Variants in XYLT1 observed in about 807,000 individuals in gnomAD.
XYLT1 encodes the protein beta-D-xylosyltransferase 1.
A neutral mutation model predicts 91.3 loss-of-function variants in XYLT1; 36 were observed. The ratio of observed to expected loss-of-function variants is 0.39; its 90% CI spans 0.30 to 0.52. The LOEUF is 0.52. Ranked by LOEUF, XYLT1 falls within the 20% of genes least tolerant of loss-of-function variation. The probability of loss-of-function intolerance (pLI) is 0.68; values close to 1 mark genes in which losing one functional copy is unlikely to be tolerated. For missense variants in XYLT1, 1,242 were observed against 1,284.5 expected (o/e 0.97, Z 0.51); for synonymous variants, 588 against 532.0 (o/e 1.11, Z -1.45).
At chr16:17,421,531 G>A (rs1596537376) in intron 1 of XYLT1, among the ~76,000 whole-genome samples, 1 of 152,168 alleles carries the variant, frequency 6.6e-6, no homozygotes, top group East Asian at 1.9e-4. Context: ...CTGGAGGCCA[G>A]CCACCACATC....
At chr16:17,411,512 C>T (rs1056418867) in intron 1 of XYLT1, among the ~76,000 whole-genome samples, 5 of 152,190 alleles carry the variant, frequency 3.3e-5, no homozygotes, top group African/African-American at 7.2e-5. Flanking sequence ...TTTCTCCCAA[C>T]GAATAGGCAG....
intron 11 of XYLT1, among the ~76,000 whole-genome samples, chr16:17,115,312 T>TAAAAAAAAAAAA (rs869095502): frequency 2.0e-5 from 1 of 48,828 alleles, no homozygotes. Context: ...CAAAAATAGT[T>TAAAAAAAAAAAA]AAAAAAAAAA....
intron 3 of XYLT1, among the ~76,000 whole-genome samples, chr16:17,223,684 C>T (rs2033013014): frequency 6.6e-6 from 1 of 152,204 alleles, no homozygotes; most frequent in African/African-American, 2.4e-5. Context: ...GGGAGTCAAT[C>T]AGGAACATCT....
chr16:17,360,081 C>A (rs534047863), intron 1 of XYLT1, among the ~76,000 whole-genome samples: 2 of 152,258 alleles, frequency 1.3e-5, no homozygotes, highest in African/African-American at 4.8e-5. Context: ...CTTACCACCT[C>A]GATTTTGATT....
chr16:17,418,123 G>C (rs909427305), intron 1 of XYLT1, among the ~76,000 whole-genome samples: 1 of 152,248 alleles, frequency 6.6e-6, no homozygotes, highest in African/African-American at 2.4e-5. Flanking sequence ...AAAACCTTGA[G>C]AGATGATACT....
At chr16:17,225,804 G>A (rs1253794125) in intron 3 of XYLT1, among the ~76,000 whole-genome samples, 1 of 152,100 alleles carries the variant, frequency 6.6e-6, no homozygotes, top group Non-Finnish European at 1.5e-5. Flanking sequence ...ATGTAGAATC[G>A]CAGCTAAGTT....
intron 1 of XYLT1, among the ~76,000 whole-genome samples, chr16:17,398,659 G>A (rs2035921199): frequency 6.6e-6 from 1 of 152,062 alleles, no homozygotes; most frequent in African/African-American, 2.4e-5. Context: ...GGTTCCTTTT[G>A]AAGCCTGTGA....
Position 17,125,704 on chromosome 16 carries a change from A to C in XYLT1, c.2223+1962T>G, listed in dbSNP as rs190772716. Reference sequence around the variant, plus strand: ...GAGTCCCCAGCAATCACATGAATGAAGTTTTCTCTAGAATACCTGTCATTA... The same window carrying C: ...GAGTCCCCAGCAATCACATGAATGACGTTTTCTCTAGAATACCTGTCATTA... On this transcript the variant is annotated intron_variant, in intron 10 of 11. Coordinates refer to ENST00000261381, the MANE Select transcript of XYLT1 (RefSeq NM_022166.4). Among the ~76,000 whole-genome samples, 365 of 152,206 alleles carry C rather than the reference A, an allele frequency of 2.4e-3. 8 individuals carry two copies. Among genetic ancestry groups the C allele is most frequent in the Admixed American group, 0.023 (352 of 15,290 alleles).
At chr16:17,414,025 C>T (rs193060911) in intron 1 of XYLT1, among the ~76,000 whole-genome samples, 1 of 152,186 alleles carries the variant, frequency 6.6e-6, no homozygotes, top group Non-Finnish European at 1.5e-5. Context: ...GTTTGCCCTG[C>T]CTTGCCTCAC....
intron 5 of XYLT1, among the ~76,000 whole-genome samples, chr16:17,164,546 C>T (rs2031634225): frequency 6.6e-6 from 1 of 152,118 alleles, no homozygotes; most frequent in Non-Finnish European, 1.5e-5. Flanking sequence ...TCTTCTATAG[C>T]CCCTGGCAAC....
At chr16:17,453,684 G>A (rs187365779) in intron 1 of XYLT1, among the ~76,000 whole-genome samples, 1 of 152,336 alleles carries the variant, frequency 6.6e-6, no homozygotes, top group East Asian at 1.9e-4. Context: ...CGCTACTGCA[G>A]GCTAGAGATC....
At chr16:17,315,863 G>C (rs72779663) in intron 2 of XYLT1, among the ~76,000 whole-genome samples, 1 of 151,984 alleles carries the variant, frequency 6.6e-6, no homozygotes, top group Non-Finnish European at 1.5e-5. Context: ...ATCATGCCTC[G>C]GCAAGTCCCT....
intron 9 of XYLT1, among the ~76,000 whole-genome samples, chr16:17,129,303 C>A (rs908881096): frequency 5.8e-4 from 88 of 152,014 alleles, no homozygotes; most frequent in African/African-American, 2.0e-3. Context: ...ACTCTGTTGC[C>A]CAGGCTGGAG....
intron 1 of XYLT1, among the ~76,000 whole-genome samples, chr16:17,403,950 C>T (rs1567190826): frequency 6.6e-6 from 1 of 152,222 alleles, no homozygotes. Context: ...CAGGTGGGAG[C>T]CATCCACTAG....
chr16:17,198,444 G>T, intron 4 of XYLT1, 30 bp from the exon 5 acceptor site: 1 of 1,605,224 alleles, frequency 6.2e-7, no homozygotes, highest in Non-Finnish European at 8.5e-7. Context: ...GGTGATGACA[G>T]TCAGTGGCCT....
chr16:17,176,103 C>T (rs2031936968), intron 5 of XYLT1, among the ~76,000 whole-genome samples: 1 of 152,112 alleles, frequency 6.6e-6, no homozygotes, highest in Admixed American at 6.5e-5. Context: ...GGACCACAGC[C>T]ACTGCAGCCA....
At chr16:17,129,752 T>C (rs1315850513) in intron 9 of XYLT1, among the ~76,000 whole-genome samples, 1 of 152,166 alleles carries the variant, frequency 6.6e-6, no homozygotes, top group East Asian at 1.9e-4. Flanking sequence ...GTATTTAGTT[T>C]TAGTTAATTT....
intron 2 of XYLT1, among the ~76,000 whole-genome samples, chr16:17,296,471 G>T (rs1210762947): frequency 6.6e-6 from 1 of 152,136 alleles, no homozygotes; most frequent in African/African-American, 2.4e-5. Flanking sequence ...CCGATTCCCT[G>T]TTCCTGCCTC....
intron 5 of XYLT1, among the ~76,000 whole-genome samples, chr16:17,175,093 T>C (rs951882689): frequency 6.6e-6 from 1 of 152,232 alleles, no homozygotes; most frequent in Non-Finnish European, 1.5e-5. Context: ...TGTTATTATT[T>C]ATGTTTTTAT....
Sources: gnomAD v4.1 joint callset for allele counts (sites outside exome capture counted in the v4.1 genomes callset) on GRCh38, gnomAD v4.1.1 for gene constraint, MANE v1.5 for transcripts, NCBI Gene and HGNC (gene_info 2026-07-23, HGNC 2026-07-21) for gene names.